SCARF2: variants seen among roughly 807,000 people sequenced by gnomAD.
SCARF2 encodes scavenger receptor class F member 2.
SCARF2 carries 39 observed loss-of-function variants against 73.4 expected under a neutral mutation model. The observed-to-expected ratio is 0.53, with a 90% CI of 0.41 to 0.69. The LOEUF is 0.69. Ranked by LOEUF, SCARF2 falls within the 30% of genes least tolerant of loss-of-function variation. SCARF2 has a pLI of 0.00. For synonymous variants in SCARF2, 605 were observed against 590.0 expected (o/e 1.03, Z -0.37); for missense variants, 1,148 against 1,303.5 (o/e 0.88, Z 1.84).
At position 20,431,376 on chromosome 22, in the gene SCARF2, G is replaced by T; in HGVS notation, c.496C>A (p.Arg166=). The stretch of plus-strand genomic sequence containing the variant: ...GGCTCACAGCGGCACGCGCCGCTCC[G>T]CGGGTGGCACGTGCCGTGCTGGCAC... ...CQCQHGTCHP[R]SGACRCEPGW... is the part of the protein sequence containing the mutation. The change falls in exon 4 of 11, where the codon CGG becomes AGG. Residue 166 remains arginine, a synonymous_variant. Coordinates refer to ENST00000622235, the MANE Select transcript of SCARF2 (RefSeq NM_182895.5). 6.6e-7 allele frequency: 1 copy of T among 1,518,302 alleles called. No individual in the cohort carries two copies. 94.1% of individuals were successfully genotyped at this position (1,518,302 alleles called of 1,614,324 possible).
chr22:20,431,786 C>T lies in SCARF2; in HGVS notation c.293G>A (p.Cys98Tyr). ...ACCGAAGTAGCCGTGGCGGCAGCGG[C>T]ACTCGCCAGGCCTCACGCACACCTC... ...ENEVCVRPGE[C>Y]RCRHGYFGAN... is the part of the protein sequence containing the mutation. Residue 98 changes from cysteine to tyrosine, a missense_variant, in exon 3 of 11, where the codon TGC becomes TAC. Cys to Tyr is a radical substitution (Grantham distance 194, BLOSUM62 -2). This residue lies in a region of SCARF2 where 372 missense variants were observed against 532.0 expected (regional missense o/e 0.70). Coordinates refer to ENST00000622235, the MANE Select transcript of SCARF2 (RefSeq NM_182895.5). 6.3e-7 allele frequency: 1 copy of T among 1,593,562 alleles called. No individual in the cohort carries two copies. The highest frequency in any genetic ancestry group is 2.3e-5 in the East Asian group (1 of 44,072).
chr22:20,427,113 C>T (rs1436968944), intron 10 of SCARF2, among the ~76,000 whole-genome samples: 1 of 152,174 alleles, frequency 6.6e-6, no homozygotes, highest in Non-Finnish European at 1.5e-5. Flanking sequence ...TTCCTCCTGT[C>T]TCCTCTGCCA....
At chr22:20,428,818 G>C (rs560221791) in intron 9 of SCARF2, among the ~76,000 whole-genome samples, 1 of 152,256 alleles carries the variant, frequency 6.6e-6, no homozygotes, top group East Asian at 1.9e-4. Flanking sequence ...TACTGCTGGG[G>C]ATGTAGGCAG....
chr22:20,430,841 C>T lies in SCARF2; in HGVS notation c.922G>A (p.Gly308Ser). ...AEGRCLTCEP[G>S]WNGTKCDQPC... ...TGGTCGCACTTGGTTCCGTTCCAGC[C>T]GGGCTCGCACGTCAAGCAGCGGCCC... Residue 308 changes from glycine (G) to serine (S), a missense_variant, in exon 5 of 11, where the codon GGC (glycine) becomes AGC (serine). Coordinates refer to ENST00000622235, the MANE Select transcript of SCARF2 (RefSeq NM_182895.5). The T allele has an allele frequency of 6.2e-7, 1 of 1,606,848 alleles. No homozygotes were observed. Among genetic ancestry groups the T allele is most frequent in the Non-Finnish European group, 8.5e-7 (1 of 1,177,984 alleles).
At chr22:20,433,162 A>C (rs927429127) in intron 1 of SCARF2, among the ~76,000 whole-genome samples, 10 of 152,300 alleles carry the variant, frequency 6.6e-5, no homozygotes, top group African/African-American at 2.2e-4. Flanking sequence ...GCCCTGCCTG[A>C]GTGAAGCCAT....
chr22:20,431,194 G>A lies in SCARF2; in HGVS notation c.678C>T (p.Ser226=). Residue 226 remains serine (S), a synonymous_variant, in exon 4 of 11, where the codon AGC becomes AGT. Transcript: ENST00000622235. ...TACGCTCGCGGCACTGACAGCGGCC[G>A]CTCTGCTGCTCGCAGGGAGACGAGT... is the stretch of plus-strand genomic sequence containing the variant. ...ACNSSPCEQQ[S]GRCQCRERTF... The A allele has an allele frequency of 1.3e-6, 2 of 1,561,212 alleles. No homozygotes were observed. The highest frequency in any genetic ancestry group is 1.7e-6 in the Non-Finnish European group (2 of 1,162,094).
intron 1 of SCARF2, among the ~76,000 whole-genome samples, chr22:20,432,642 G>A (rs1248046478): frequency 6.6e-6 from 1 of 152,202 alleles, no homozygotes; most frequent in Non-Finnish European, 1.5e-5. Context: ...TCCTCCACGT[G>A]CAGGAGGAAA....
Position 20,426,329 on chromosome 22 carries a change from AG to A in SCARF2, c.1694-48del, listed in dbSNP as rs746845628. 69 of 1,526,108 alleles carry A rather than the reference AG, an allele frequency of 4.5e-5. No individual in the cohort carries two copies. The South Asian group carries it at 6.7e-4, about 15-fold the overall frequency. The allele number at this position is 1,526,108 out of a possible 1,614,324, so 94.5% of individuals were successfully genotyped here. Reference sequence around the variant, plus strand: ...GGTCACAGCCTTCAGGAATACCTTTAGGGGCTCCAACCTCCAGGCGCAAACC... The same window carrying A: ...GGTCACAGCCTTCAGGAATACCTTTAGGGCTCCAACCTCCAGGCGCAAACC... On this transcript the variant is annotated intron_variant, in intron 10 of 10. Coordinates refer to ENST00000622235, the MANE Select transcript of SCARF2 (RefSeq NM_182895.5).
In SCARF2 at chr22:20,430,839, G is replaced by T; in HGVS notation, c.924C>A (p.Gly308=). 6.2e-7 allele frequency: 1 copy of T among 1,607,024 alleles called. No homozygotes were observed. ...GCTGGTCGCACTTGGTTCCGTTCCA[G>T]CCGGGCTCGCACGTCAAGCAGCGGC... ...AEGRCLTCEP[G]WNGTKCDQPC... Residue 308 remains glycine (G), a synonymous_variant, in exon 5 of 11, where the codon GGC becomes GGA. Coordinates refer to ENST00000622235, the MANE Select transcript of SCARF2 (RefSeq NM_182895.5).
At chr22:20,427,894 T>A (rs1601296210) in intron 9 of SCARF2, among the ~76,000 whole-genome samples, 1 of 152,218 alleles carries the variant, frequency 6.6e-6, no homozygotes. Flanking sequence ...CACCAAGGCC[T>A]CCAAGCTCTG....
In SCARF2 at chr22:20,427,488, C is replaced by G; in HGVS notation, c.1603G>C (p.Glu535Gln). Residue 535 changes from glutamate to glutamine, a missense_variant, in exon 10 of 11, where the codon GAG (glutamate) becomes CAG (glutamine). Transcript: ENST00000622235. ...GAGGACCAGGATGGTGAGGGCTGCT[C>G]CAGCCCTGAGGGTGGCTCCAGGAAG... ...CSFLEPPSGL[E>Q]QPSPSWSSRA... 3 of 1,614,008 alleles carry G rather than the reference C, an allele frequency of 1.9e-6. No homozygotes were observed. The highest frequency in any genetic ancestry group is 2.5e-6 in the Non-Finnish European group (3 of 1,179,980).
intron 9 of SCARF2, among the ~76,000 whole-genome samples, chr22:20,428,025 C>T (rs1331874136): frequency 6.6e-6 from 1 of 152,186 alleles, no homozygotes; most frequent in Non-Finnish European, 1.5e-5. Flanking sequence ...GGCCTGGCCT[C>T]CAGAGATGCA....
At chr22:20,426,433 C>G (rs1441207600) in intron 10 of SCARF2, 151 bp from the exon 11 acceptor site, 1 of 799,896 alleles carries the variant, frequency 1.3e-6, no homozygotes, top group Non-Finnish European at 1.9e-6. Flanking sequence ...AGAGCACCAA[C>G]CACACATGTG....
At position 20,431,036 on chromosome 22, in the gene SCARF2, C is replaced by T. The variant is rs753999375; in HGVS notation, c.836G>A (p.Gly279Asp). The T allele has an allele frequency of 6.4e-7, 1 of 1,574,680 alleles. No individual in the cohort carries two copies. Among genetic ancestry groups the T allele is most frequent in the South Asian group, 1.1e-5 (1 of 87,606 alleles). ...CGCTTACCGGCGGCGACAGCCCAAGCCGTAGAAGCCGGCGGGGCACGGCTC... is the reference window on the plus strand; with the variant it reads ...CGCTTACCGGCGGCGACAGCCCAAGTCGTAGAAGCCGGCGGGGCACGGCTC... ...CREPCPAGFYGLGCRRRCGQC... is the reference protein window; with the variant it reads ...CREPCPAGFYDLGCRRRCGQC... The change falls in exon 4 of 11, where the codon GGC becomes GAC. Residue 279 changes from glycine (G) to aspartate (D), a missense_variant. Transcript: ENST00000622235.
In SCARF2 at chr22:20,427,395, T is replaced by A; in HGVS notation, c.1693+3A>T. 1 of 1,614,118 alleles carries A rather than the reference T, an allele frequency of 6.2e-7. No homozygotes were observed. Among genetic ancestry groups the A allele is most frequent in the Non-Finnish European group, 8.5e-7 (1 of 1,179,992 alleles). On this transcript the variant is annotated splice_donor_region_variant and intron_variant, in intron 10 of 10. Coordinates refer to ENST00000622235, the MANE Select transcript of SCARF2 (RefSeq NM_182895.5). ...AGTGATGCCCAGGTAGGGCCTTACT[T>A]ACCCTCATGGGGTACACAGTACACA...
rs1380672051 is a variant in SCARF2, at chr22:20,429,869, C to T, written c.1203-36G>A. 6.2e-7 allele frequency: 1 copy of T among 1,600,798 alleles called. No individual in the cohort carries two copies. Among genetic ancestry groups the T allele is most frequent in the Non-Finnish European group, 8.5e-7 (1 of 1,174,090 alleles). The stretch of plus-strand genomic sequence containing the variant: ...ATAGGGTCAAGGCATGCCACAGCCG[C>T]CCCCCTAGGATGCCCCCTACCCTCA... On this transcript the variant is annotated intron_variant, in intron 6 of 10. Coordinates refer to ENST00000622235, the MANE Select transcript of SCARF2 (RefSeq NM_182895.5). This position sits in a 1 kb window ranked among gnomAD's most constrained non-coding sequence, Gnocchi z 5.2.
Position 20,437,632 on chromosome 22 carries a change from C to T in SCARF2, c.123G>A (p.Val41=), listed in dbSNP as rs928334723. Residue 41 remains valine (V), a synonymous_variant, in exon 1 of 11, where the codon GTG becomes GTA. Coordinates refer to ENST00000622235, the MANE Select transcript of SCARF2 (RefSeq NM_182895.5). The part of the protein sequence containing the change: ...LLLLWMLPDT[V]APQELNPRGR... ...CGCGAGGGTTCAGTTCCTGAGGCGC[C>T]ACGGTGTCCGGCAGCATCCAGAGCA... 1.3e-6 allele frequency: 2 copies of T among 1,563,490 alleles called. No individual in the cohort carries two copies. The highest frequency in any genetic ancestry group is 1.8e-5 in the Admixed American group (1 of 55,714).
chr22:20,426,494 GGAGTGATGGGCGCATTCCCGC>G (rs1290338977), intron 10 of SCARF2, among the ~76,000 whole-genome samples: 2 of 152,364 alleles, frequency 1.3e-5, no homozygotes, highest in East Asian at 3.9e-4. Flanking sequence ...GGCTGTGCAA[GGAGTGATGGGCGCATTCCCGC>G]GACTGAAGCC....
Position 20,425,191 on chromosome 22 carries a change from C to T in SCARF2, c.*184G>A. On this transcript the variant is annotated 3_prime_UTR_variant, in exon 11 of 11. Transcript: ENST00000622235. This position sits in a 1 kb window ranked among gnomAD's most constrained non-coding sequence, Gnocchi z 4.6. ...CCTCGACCAACGGGATGGGCCCTTC[C>T]CGCCAGAGCACACTGCTCCAATCCA... 4.3e-6 allele frequency: 2 copies of T among 462,088 alleles called. No individual in the cohort carries two copies. The highest frequency in any genetic ancestry group is 3.5e-6 in the Non-Finnish European group (1 of 283,968). 28.6% of individuals were successfully genotyped at this position (462,088 alleles called of 1,614,324 possible).
Sources: gnomAD v4.1 joint callset for allele counts (sites outside exome capture counted in the v4.1 genomes callset) on GRCh38, gnomAD v4.1.1 for gene constraint, gnomAD v4.1.1 regional missense constraint, Gnocchi (gnomAD v3.1) non-coding constraint, MANE v1.5 for transcripts, NCBI Gene and HGNC (gene_info 2026-07-23, HGNC 2026-07-21) for gene names.